SMC1A: variants seen among roughly 807,000 people sequenced by gnomAD.
The protein encoded by SMC1A is structural maintenance of chromosomes protein 1A.
In SMC1A, 4 loss-of-function variants were observed where a neutral mutation model predicts 94.5. The observed-to-expected ratio is 0.04, with a 90% CI of 0.02 to 0.10. SMC1A has a LOEUF of 0.10. Ranked by LOEUF, SMC1A falls within the 10% of genes least tolerant of loss-of-function variation. The probability of loss-of-function intolerance (pLI) is 1.00; values close to 1 mark genes in which losing one functional copy is unlikely to be tolerated. For missense variants in SMC1A, 304 were observed against 989.0 expected (o/e 0.31, Z 9.29); for synonymous variants, 345 against 347.7 (o/e 0.99, Z 0.09).
At chrX:53,393,150 C>CA (rs1344770208) in intron 19 of SMC1A, among the ~76,000 whole-genome samples, 1 of 109,992 alleles carries the variant, frequency 9.1e-6, no homozygotes, top group East Asian at 2.8e-4. Flanking sequence ...ATATTCTTGC[C>CA]AAAAAAAGAA....
chrX:53,409,008 TC>T, intron 9 of SMC1A, 53 bp downstream of exon 9: 1 of 1,111,549 alleles, frequency 9.0e-7, no homozygotes, highest in African/African-American at 1.8e-5. Context: ...GCTGGGAAAA[TC>T]GTGTGACAGT....
chrX:53,398,885 A>G (rs782428026), intron 16 of SMC1A, among the ~76,000 whole-genome samples: 9 of 111,461 alleles, frequency 8.1e-5, no homozygotes, highest in Non-Finnish European at 1.7e-4. Flanking sequence ...GGTACTACTG[A>G]GTTACAGAGT....
chrX:53,413,103 T>C lies in SMC1A; in HGVS notation c.651A>G (p.Val217=). Reference sequence around the variant, plus strand: ...AGAGCTGCAGCTGTACCTGAGCCCGTACTACCTCATCCTTCAGGCGCTGGT... The same window carrying C: ...AGAGCTGCAGCTGTACCTGAGCCCGCACTACCTCATCCTTCAGGCGCTGGT... The part of the protein sequence containing the change: ...DRYQRLKDEV[V]RAQVQLQLFK... The change falls in exon 5 of 25, where the codon GTA becomes GTG. Residue 217 remains valine, a synonymous_variant. Coordinates refer to ENST00000322213, the MANE Select transcript of SMC1A (RefSeq NM_006306.4). The C allele has an allele frequency of 8.3e-7, 1 of 1,211,698 alleles. No individual in the cohort carries two copies. The highest frequency in any genetic ancestry group is 1.1e-6 in the Non-Finnish European group (1 of 895,485).
At chrX:53,407,581 T>C (rs1199321448) in intron 9 of SMC1A, among the ~76,000 whole-genome samples, 2 of 112,189 alleles carry the variant, frequency 1.8e-5, no homozygotes, top group Non-Finnish European at 3.8e-5. Flanking sequence ...CTGTAATTTA[T>C]AGCAGGTCAG....
At chrX:53,388,798 C>T (rs2075615187) in intron 19 of SMC1A, among the ~76,000 whole-genome samples, 1 of 108,397 alleles carries the variant, frequency 9.2e-6, no homozygotes, top group Non-Finnish European at 1.9e-5. Flanking sequence ...GATATCGAGA[C>T]CATCCTGGCT....
At chrX:53,411,972 T>TGCCAACCC in intron 6 of SMC1A, 23 bp downstream of exon 6, 2 of 1,211,673 alleles carry the variant, frequency 1.7e-6, no homozygotes, top group Non-Finnish European at 2.2e-6. Flanking sequence ...ATCTCCTCCC[T>TGCCAACCC]GCCAACCCCT....
intron 1 of SMC1A, among the ~76,000 whole-genome samples, chrX:53,416,991 G>A (rs1401702036): frequency 9.6e-6 from 1 of 104,307 alleles, no homozygotes; most frequent in East Asian, 3.2e-4. Flanking sequence ...TCGCTGTGTT[G>A]CCCAGGCTAG....
chrX:53,403,524 C>A, intron 15 of SMC1A, 42 bp downstream of exon 15: 1 of 1,048,405 alleles, frequency 9.5e-7, no homozygotes, highest in South Asian at 2.0e-5. Flanking sequence ...AAGCTAGAGG[C>A]TCAAGGGCAT....
intron 19 of SMC1A, among the ~76,000 whole-genome samples, chrX:53,384,992 A>T (rs782063972): frequency 3.2e-4 from 34 of 107,922 alleles, no homozygotes; most frequent in East Asian, 1.2e-3. Context: ...AGCTAAAAAA[A>T]ATATATATAT....
chrX:53,393,504 G>A (rs1556887566), intron 19 of SMC1A, among the ~76,000 whole-genome samples: 1 of 111,394 alleles, frequency 9.0e-6, no homozygotes, highest in African/African-American at 3.3e-5. Context: ...ATATTGTGGA[G>A]TTATTGTTAA....
chrX:53,394,047 G>A (rs1012646299), intron 19 of SMC1A, among the ~76,000 whole-genome samples: 20 of 107,323 alleles, frequency 1.9e-4, no homozygotes, highest in Non-Finnish European at 3.1e-4. Flanking sequence ...TACTTGGGAG[G>A]CTGAGGCAGG....
At position 53,398,111 on chromosome X, in the gene SMC1A, T is replaced by C. The variant is rs182848914; in HGVS notation, c.2562+1478A>G. Among the ~76,000 whole-genome samples the C allele has an allele frequency of 4.9e-5, 5 of 102,689 alleles. No homozygotes were observed. In the Admixed American group the frequency reaches 5.6e-4, roughly 12 times the overall value. 89.2% of individuals were successfully genotyped at this position (102,689 alleles called of 115,157 possible). On this transcript the variant is annotated intron_variant, in intron 16 of 24. Transcript: ENST00000322213. The stretch of plus-strand genomic sequence containing the variant: ...AGAGGCAGGAGTTATCGCTTGAACC[T>C]GGAAGGCAGAGGCTGCAGTGAGCCA...
intron 9 of SMC1A, 69 bp downstream of exon 9, chrX:53,408,993 G>C: frequency 1.9e-6 from 2 of 1,050,667 alleles, no homozygotes; most frequent in Admixed American, 4.4e-5. Flanking sequence ...TGTCCTTACA[G>C]GGCTGCTGGG....
intron 1 of SMC1A, among the ~76,000 whole-genome samples, chrX:53,416,327 A>AAAT (rs1181594063): frequency 9.0e-4 from 96 of 106,327 alleles, no homozygotes; most frequent in African/African-American, 1.6e-3. Flanking sequence ...AAATAAAATA[A>AAAT]AATAATAATA....
intron 1 of SMC1A, chrX:53,422,080 G>A (rs1204996098): frequency 8.5e-7 from 1 of 1,180,149 alleles, no homozygotes; most frequent in Non-Finnish European, 1.1e-6. Flanking sequence ...AAGGCCACGG[G>A]AGAGCTACCA....
chrX:53,382,015 A>G, intron 22 of SMC1A: 2 of 451,174 alleles, frequency 4.4e-6, no homozygotes, highest in Non-Finnish European at 3.9e-6. Context: ...ATACATGCAG[A>G]GGCCGGTGAG....
At chrX:53,406,775 G>A in intron 9 of SMC1A, among the ~76,000 whole-genome samples, 1 of 111,759 alleles carries the variant, frequency 8.9e-6, no homozygotes, top group Admixed American at 9.5e-5. Context: ...TTGGCTCACT[G>A]CAACCTCCAC....
intron 19 of SMC1A, among the ~76,000 whole-genome samples, chrX:53,387,613 C>T (rs1556886602): frequency 9.0e-6 from 1 of 111,636 alleles, no homozygotes; most frequent in East Asian, 2.8e-4. Flanking sequence ...TAAATAATAG[C>T]ATTTCCCACT....
At chrX:53,385,069 AGAG>A (rs2075599485) in intron 19 of SMC1A, among the ~76,000 whole-genome samples, 1 of 110,262 alleles carries the variant, frequency 9.1e-6, no homozygotes, top group Non-Finnish European at 1.9e-5. Flanking sequence ...GGGCACAGAA[AGAG>A]AAGATGCTAG....
Sources: gnomAD v4.1 joint callset for allele counts (sites outside exome capture counted in the v4.1 genomes callset) on GRCh38, gnomAD v4.1.1 for gene constraint, MANE v1.5 for transcripts, NCBI Gene and HGNC (gene_info 2026-07-23, HGNC 2026-07-21) for gene names.